Variants in PEBP4 observed in about 807,000 individuals in gnomAD.
PEBP4 encodes phosphatidylethanolamine binding protein 4.
A neutral mutation model predicts 23.9 loss-of-function variants in PEBP4; 22 were observed. That is an observed-to-expected ratio of 0.92 (90% CI 0.66 to 1.31). The LOEUF (loss-of-function observed/expected upper bound fraction) is 1.31. Among genes scored for constraint, PEBP4 ranks in the 40% most tolerant of loss-of-function variants. The pLI is 0.00. For synonymous variants in PEBP4, 112 were observed against 99.3 expected (o/e 1.13, Z -0.76); for missense variants, 324 against 281.7 (o/e 1.15, Z -1.07).
chr8:22,876,663 G>A (rs17088675), intron 3 of PEBP4, among the ~76,000 whole-genome samples: 3,109 of 152,306 alleles, frequency 0.02, 79 homozygotes, highest in African/African-American at 0.071. Flanking sequence ...TGTTTATAGC[G>A]CTTGTGTTGT....
intron 3 of PEBP4, among the ~76,000 whole-genome samples, chr8:22,861,500 G>C (rs540897505): frequency 2.0e-5 from 3 of 152,130 alleles, no homozygotes; most frequent in African/African-American, 7.2e-5. Flanking sequence ...TAAGTCATAC[G>C]GCCAGAATGC....
intron 4 of PEBP4, among the ~76,000 whole-genome samples, chr8:22,765,129 C>CTTCCTTCCTTCA (rs1805583765): frequency 6.6e-6 from 1 of 151,402 alleles, no homozygotes; most frequent in African/African-American, 2.4e-5. Context: ...TCCTTCCTTC[C>CTTCCTTCCTTCA]TTCCTTCCTT....
intron 1 of PEBP4, among the ~76,000 whole-genome samples, chr8:22,940,882 G>T (rs1414116388): frequency 6.6e-6 from 1 of 152,262 alleles, no homozygotes; most frequent in African/African-American, 2.4e-5. Context: ...ACACAAACAG[G>T]GAAGAAGAGC....
rs547666304 is a variant in PEBP4, at chr8:22,892,721, C to T, written c.258+27463G>A. Among the ~76,000 whole-genome samples the T allele has an allele frequency of 7.9e-5, 12 of 152,268 alleles. 1 individual carries two copies. In the South Asian group the frequency reaches 2.1e-3, roughly 26 times the overall value. On this transcript the variant is annotated intron_variant, in intron 3 of 6. Transcript: ENST00000256404. ...AGTATCAGGAACCAGATTTACCCTA[C>T]CACCTGAAACAATGAAAACACCGAA...
At chr8:22,763,654 G>A (rs1484002984) in intron 4 of PEBP4, among the ~76,000 whole-genome samples, 3 of 152,084 alleles carry the variant, frequency 2.0e-5, no homozygotes, top group Non-Finnish European at 4.4e-5. Flanking sequence ...TATGTAAGAG[G>A]TGCCCAGCCT....
intron 4 of PEBP4, among the ~76,000 whole-genome samples, chr8:22,732,864 T>C (rs1174694870): frequency 1.3e-5 from 2 of 152,150 alleles, no homozygotes; most frequent in African/African-American, 4.8e-5. Context: ...CCACCTCAGA[T>C]CCCACTGCTT....
chr8:22,891,795 C>T (rs527339791), intron 3 of PEBP4, among the ~76,000 whole-genome samples: 1 of 152,256 alleles, frequency 6.6e-6, no homozygotes, highest in South Asian at 2.1e-4. Context: ...AGGGAAGGGC[C>T]GGGCATGGTG....
At chr8:22,809,914 C>T (rs1298386449) in intron 4 of PEBP4, among the ~76,000 whole-genome samples, 2 of 152,220 alleles carry the variant, frequency 1.3e-5, no homozygotes, top group Non-Finnish European at 2.9e-5. Flanking sequence ...CCTGCACCAG[C>T]CTTCTACCCA....
intron 3 of PEBP4, among the ~76,000 whole-genome samples, chr8:22,854,921 T>C (rs1329251160): frequency 7.7e-5 from 10 of 129,876 alleles, no homozygotes; most frequent in African/African-American, 2.9e-4. Context: ...AAGGGTGAGA[T>C]TAGAATGTGT....
chr8:22,913,250 C>T (rs548845962), intron 3 of PEBP4, among the ~76,000 whole-genome samples: 3 of 152,134 alleles, frequency 2.0e-5, no homozygotes, highest in East Asian at 1.9e-4. Flanking sequence ...GCTCCCAGCC[C>T]GCAGTCCTGG....
intron 3 of PEBP4, among the ~76,000 whole-genome samples, chr8:22,853,776 G>A (rs1335465769): frequency 6.6e-6 from 1 of 152,182 alleles, no homozygotes; most frequent in Non-Finnish European, 1.5e-5. Context: ...TGAGTCCATG[G>A]ATGGTTCTGA....
intron 1 of PEBP4, among the ~76,000 whole-genome samples, chr8:22,935,309 T>G (rs1306336266): frequency 6.6e-6 from 1 of 152,068 alleles, no homozygotes; most frequent in East Asian, 1.9e-4. Context: ...TCACTTGAGG[T>G]CAGGAGTTCA....
chr8:22,878,491 C>T (rs980306802), intron 3 of PEBP4, among the ~76,000 whole-genome samples: 1 of 152,178 alleles, frequency 6.6e-6, no homozygotes, highest in Non-Finnish European at 1.5e-5. Context: ...CGTCAGTTTA[C>T]CTGACACACC....
intron 4 of PEBP4, among the ~76,000 whole-genome samples, chr8:22,781,300 G>C (rs950407060): frequency 6.6e-6 from 1 of 152,122 alleles, no homozygotes; most frequent in Non-Finnish European, 1.5e-5. Flanking sequence ...CGGGAGAGCC[G>C]GAGGGGGAAG....
intron 4 of PEBP4, among the ~76,000 whole-genome samples, chr8:22,779,567 G>T (rs1049100426): frequency 2.0e-5 from 3 of 152,188 alleles, no homozygotes; most frequent in Non-Finnish European, 4.4e-5. Flanking sequence ...GAGCTGGGCT[G>T]GTGCCGTGGT....
chr8:22,940,616 G>A (rs1272649803), intron 1 of PEBP4, among the ~76,000 whole-genome samples: 1 of 150,088 alleles, frequency 6.7e-6, no homozygotes, highest in Non-Finnish European at 1.5e-5. Flanking sequence ...AGCCTCCCGA[G>A]CAGCTGGGAC....
intron 3 of PEBP4, among the ~76,000 whole-genome samples, chr8:22,860,159 CATATATATGT>C (rs1807737849): frequency 7.5e-6 from 1 of 133,274 alleles, no homozygotes; most frequent in Non-Finnish European, 1.6e-5. Context: ...TATATATACA[CATATATATGT>C]ATATATATAT....
At chr8:22,833,703 G>T (rs560736582) in intron 3 of PEBP4, among the ~76,000 whole-genome samples, 1 of 152,288 alleles carries the variant, frequency 6.6e-6, no homozygotes, top group South Asian at 2.1e-4. Flanking sequence ...TAAGCTTCAC[G>T]ATCGTGATTA....
intron 3 of PEBP4, among the ~76,000 whole-genome samples, chr8:22,888,301 G>C (rs1041322645): frequency 4.2e-4 from 64 of 152,046 alleles, no homozygotes; most frequent in Admixed American, 1.4e-3. Flanking sequence ...TTACAGGCTC[G>C]TGCCACCAAG....
Sources: gnomAD v4.1 joint callset for allele counts (sites outside exome capture counted in the v4.1 genomes callset) on GRCh38, gnomAD v4.1.1 for gene constraint, MANE v1.5 for transcripts, NCBI Gene and HGNC (gene_info 2026-07-23, HGNC 2026-07-21) for gene names.